AKAP7: variants seen among roughly 807,000 people sequenced by gnomAD.
The protein encoded by AKAP7 is A kinase (PRKA) anchor protein 7.
In AKAP7, 39 loss-of-function variants were observed where a neutral mutation model predicts 39.5. The observed-to-expected ratio is 0.99, with a 90% CI of 0.76 to 1.29. AKAP7 has a LOEUF of 1.29. AKAP7 is among the 50% of genes most tolerant of loss of function. AKAP7 has a pLI of 0.00. For synonymous variants in AKAP7, 140 were observed against 139.1 expected, an observed-to-expected ratio of 1.01 and a Z score of -0.05; for missense variants, 414 against 407.7, an observed-to-expected ratio of 1.02 and a Z score of -0.13.
intron 6 of AKAP7, among the ~76,000 whole-genome samples, chr6:131,210,381 C>A (rs1808536185): frequency 6.6e-6 from 1 of 152,204 alleles, no homozygotes; most frequent in African/African-American, 2.4e-5. Flanking sequence ...TAGTTGAGGA[C>A]CTAACAGAAC....
chr6:131,146,640 A>G (rs1012162530), intron 2 of AKAP7, among the ~76,000 whole-genome samples: 1 of 152,198 alleles, frequency 6.6e-6, no homozygotes, highest in African/African-American at 2.4e-5. Flanking sequence ...GCGCCATTCA[A>G]CTGTTTGCAA....
intron 2 of AKAP7, among the ~76,000 whole-genome samples, chr6:131,150,348 C>T (rs915415830): frequency 9.2e-5 from 14 of 152,124 alleles, no homozygotes; most frequent in African/African-American, 3.4e-4. Context: ...AGATTTTAAA[C>T]ATCTTAAAAT....
the AKAP7 span, among the ~76,000 whole-genome samples, chr6:131,127,605 A>G: frequency 1.3e-5 from 2 of 152,228 alleles, no homozygotes; most frequent in Non-Finnish European, 2.9e-5. Flanking sequence ...AATTCTGCAC[A>G]TTATAAACTT....
intron 7 of AKAP7, among the ~76,000 whole-genome samples, chr6:131,233,317 A>C (rs528996457): frequency 6.6e-6 from 1 of 152,196 alleles, no homozygotes; most frequent in Non-Finnish European, 1.5e-5. Flanking sequence ...TCCTACAATC[A>C]GGCAGACCTT....
upstream of AKAP7, among the ~76,000 whole-genome samples, chr6:131,130,651 T>C (rs1178568386): frequency 1.3e-5 from 2 of 152,216 alleles, no homozygotes; most frequent in Non-Finnish European, 2.9e-5. Context: ...GAGAATCCAC[T>C]GTGGCCAGGT....
chr6:131,170,357 T>C (rs1319303788), intron 5 of AKAP7, among the ~76,000 whole-genome samples: 1 of 147,948 alleles, frequency 6.8e-6, no homozygotes, highest in African/African-American at 2.5e-5. Context: ...GAGCAGAATC[T>C]GGAAAAAAAG....
chr6:131,250,380 G>T, intron 7 of AKAP7: 1 of 1,422,882 alleles, frequency 7.0e-7, no homozygotes, highest in Non-Finnish European at 9.2e-7. Flanking sequence ...AGCCTTTTTT[G>T]CTCACGGCAG....
At chr6:131,136,762 C>A in intron 1 of AKAP7, 1 of 702,784 alleles carries the variant, frequency 1.4e-6, no homozygotes, top group Non-Finnish European at 1.7e-6. Flanking sequence ...TACTTTTGTT[C>A]CCTTTTTATG....
At chr6:131,222,698 A>T (rs1809813358) in intron 7 of AKAP7, among the ~76,000 whole-genome samples, 1 of 152,204 alleles carries the variant, frequency 6.6e-6, no homozygotes, top group Non-Finnish European at 1.5e-5. Context: ...CTTGGTAAAG[A>T]TCCTTAAACA....
At chr6:131,181,326 C>T (rs1805215795) in intron 5 of AKAP7, among the ~76,000 whole-genome samples, 1 of 152,164 alleles carries the variant, frequency 6.6e-6, no homozygotes, top group African/African-American at 2.4e-5. Flanking sequence ...TCCTAAACCC[C>T]AGCATCAGTC....
chr6:131,282,697 G>A lies in AKAP7; in HGVS notation c.*971G>A, dbSNP rs531194822. ...AAACACCAAAGAAGTTTCTGATAGTGTCTGCACAACAGCAAACCAACATTT... is the reference window on the plus strand; with the variant it reads ...AAACACCAAAGAAGTTTCTGATAGTATCTGCACAACAGCAAACCAACATTT... On this transcript the variant is annotated 3_prime_UTR_variant, in exon 8 of 8. Transcript: ENST00000431975. 46 of 1,083,422 alleles carry A rather than the reference G, an allele frequency of 4.2e-5. No individual in the cohort carries two copies. The highest frequency in any genetic ancestry group is 5.4e-5 in the Non-Finnish European group (42 of 783,278). 67.1% of individuals were successfully genotyped at this position (1,083,422 alleles called of 1,614,324 possible). A position where few individuals can be genotyped will look rare whatever the true frequency, so the allele number is the denominator to read the frequency against.
intron 5 of AKAP7, among the ~76,000 whole-genome samples, chr6:131,171,081 C>T (rs1227149222): frequency 6.6e-6 from 1 of 151,838 alleles, no homozygotes; most frequent in Non-Finnish European, 1.5e-5. Context: ...AATGTTGGGC[C>T]CAAGGAATTA....
chr6:131,210,552 G>A (rs1808550485), intron 6 of AKAP7, among the ~76,000 whole-genome samples: 3 of 152,208 alleles, frequency 2.0e-5, no homozygotes, highest in African/African-American at 4.8e-5. Context: ...AGGCCTTTCA[G>A]TGCAACTGTA....
At chr6:131,236,813 G>A (rs956293744) in intron 7 of AKAP7, among the ~76,000 whole-genome samples, 58 of 152,230 alleles carry the variant, frequency 3.8e-4, no homozygotes, top group Non-Finnish European at 6.5e-4. Flanking sequence ...GGGCTGAGAC[G>A]ATGGCGTTTT....
chr6:131,164,306 C>G, intron 3 of AKAP7: 1 of 451,674 alleles, frequency 2.2e-6, no homozygotes, highest in Non-Finnish European at 4.4e-6. Flanking sequence ...ATTCAGACTA[C>G]TTTCAAATGT....
At chr6:131,136,906 C>T (rs1800592619) in intron 1 of AKAP7, 4 of 980,208 alleles carry the variant, frequency 4.1e-6, no homozygotes, top group Non-Finnish European at 4.8e-6. Flanking sequence ...TTAGCCCTTT[C>T]CAGTTGTTCT....
chr6:131,137,922 G>A (rs1800709492), intron 1 of AKAP7, among the ~76,000 whole-genome samples: 1 of 152,194 alleles, frequency 6.6e-6, no homozygotes, highest in Admixed American at 6.5e-5. Flanking sequence ...GTAAATCATA[G>A]AGCATATGCA....
At chr6:131,255,920 A>G (rs919861463) in intron 7 of AKAP7, among the ~76,000 whole-genome samples, 2 of 151,984 alleles carry the variant, frequency 1.3e-5, no homozygotes, top group Non-Finnish European at 2.9e-5. Context: ...AATTTATTTA[A>G]TGTTTACTGT....
At chr6:131,209,813 A>G (rs2128290278) in intron 6 of AKAP7, among the ~76,000 whole-genome samples, 1 of 152,344 alleles carries the variant, frequency 6.6e-6, no homozygotes, top group African/African-American at 2.4e-5. Context: ...TCATGAAAAT[A>G]TAGGCAACTG....
Sources: gnomAD v4.1 joint callset for allele counts (sites outside exome capture counted in the v4.1 genomes callset) on GRCh38, gnomAD v4.1.1 for gene constraint, MANE v1.5 for transcripts, NCBI Gene and HGNC (gene_info 2026-07-23, HGNC 2026-07-21) for gene names.